YES1: variants seen among roughly 807,000 people sequenced by gnomAD.
The protein encoded by YES1 is tyrosine-protein kinase Yes.
Under a neutral mutation model 70.4 loss-of-function variants are expected in YES1, and 39 were observed. That is an observed-to-expected ratio of 0.55 (90% confidence interval 0.43 to 0.72). The LOEUF is 0.72. Ranked by LOEUF, YES1 falls within the 30% of genes least tolerant of loss-of-function variation. The probability of loss-of-function intolerance (pLI) is 0.00; values close to 1 mark genes in which losing one functional copy is unlikely to be tolerated. For synonymous variants in YES1, 198 were observed against 218.6 expected (o/e 0.91, Z 0.83); for missense variants, 495 against 644.8 (o/e 0.77, Z 2.52).
intron 1 of YES1, among the ~76,000 whole-genome samples, chr18:784,808 G>C (rs995594458): frequency 2.1e-4 from 32 of 152,142 alleles, no homozygotes; most frequent in African/African-American, 7.5e-4. Context: ...GATAAGCCAG[G>C]ATAAACTCTC....
rs1053936259 is a variant in YES1 at position 723,796 on chromosome 18, T to C, written c.*628A>G. On this transcript the variant is annotated 3_prime_UTR_variant, in exon 12 of 12. Transcript: ENST00000314574. Reference sequence around the variant, plus strand: ...TCCATGAACATGAATATTAATGTACTGCATTATACTTTCAAATTCCACTTC... The same window carrying C: ...TCCATGAACATGAATATTAATGTACCGCATTATACTTTCAAATTCCACTTC... 5 of 152,824 alleles carry C rather than the reference T, an allele frequency of 3.3e-5. No homozygotes were observed. Among genetic ancestry groups the C allele is most frequent in the African/African-American group, 1.2e-4 (5 of 41,476 alleles). The allele number at this position is 152,824 out of a possible 1,614,324, so 9.5% of individuals were successfully genotyped here. A position where few individuals can be genotyped will look rare whatever the true frequency, so the allele number is the denominator to read the frequency against.
At chr18:797,007 T>C (rs1419672797) in intron 1 of YES1, among the ~76,000 whole-genome samples, 2 of 152,118 alleles carry the variant, frequency 1.3e-5, no homozygotes, top group African/African-American at 4.8e-5. Context: ...GTAAGTAGAA[T>C]TTTTAACATC....
At chr18:738,060 A>G (rs1478510652) in intron 9 of YES1, 2 of 151,762 alleles carry the variant, frequency 1.3e-5, no homozygotes, top group Non-Finnish European at 2.9e-5. Flanking sequence ...TTTTTTTTAA[A>G]AAACAAAAAT....
chr18:783,658 C>T (rs1905793806), intron 1 of YES1, among the ~76,000 whole-genome samples: 1 of 151,364 alleles, frequency 6.6e-6, no homozygotes, highest in African/African-American at 2.4e-5. Context: ...CTCCTGTTGC[C>T]CAGGCTGGAG....
intron 3 of YES1, among the ~76,000 whole-genome samples, chr18:751,349 G>C (rs1241969175): frequency 6.6e-6 from 1 of 151,516 alleles, no homozygotes; most frequent in Non-Finnish European, 1.5e-5. Flanking sequence ...TTTTTTAATA[G>C]AATGAGACAA....
At chr18:757,821 C>CA (rs975596808) in intron 1 of YES1, among the ~76,000 whole-genome samples, 6 of 123,908 alleles carry the variant, frequency 4.8e-5, no homozygotes, top group African/African-American at 1.5e-4. Context: ...GACTCTGTCT[C>CA]AAAAAAAATA....
rs369783723 is a variant in YES1, at chr18:801,856, T to C, written c.-9+10258A>G. ...AATTAAGTTTAGGAAAAAAAGAAAC[T>C]TGATTGGGAAAACATGCTCTGTTAA... On this transcript the variant is annotated intron_variant, in intron 1 of 11. Transcript: ENST00000314574. 4.6e-5 allele frequency among the ~76,000 whole-genome samples: 7 copies of C among 152,202 alleles called. No homozygotes were observed. In the East Asian group the frequency reaches 7.7e-4, roughly 17 times the overall value.
intron 1 of YES1, among the ~76,000 whole-genome samples, chr18:803,277 T>C (rs1354751849): frequency 6.6e-6 from 1 of 152,198 alleles, no homozygotes; most frequent in Non-Finnish European, 1.5e-5. Context: ...AATTTTTCTG[T>C]GTATTTTGGA....
chr18:723,544 C>A lies in YES1; in HGVS notation c.*880G>T, dbSNP rs971407634. ...GGACATATAAGCAATACTCACAGTA[C>A]GAAGTCTAGTTTTTAAAAAGGGCTT... On this transcript the variant is annotated 3_prime_UTR_variant, in exon 12 of 12. Transcript: ENST00000314574. 1 of 152,592 alleles carries A rather than the reference C, an allele frequency of 6.6e-6. No homozygotes were observed. The highest frequency in any genetic ancestry group is 6.5e-5 in the Admixed American group (1 of 15,274). The allele number at this position is 152,592 out of a possible 1,614,324, so 9.5% of individuals were successfully genotyped here.
At position 739,720 on chromosome 18, in the gene YES1, T is replaced by C; in HGVS notation, c.1137+15A>G. 1 of 1,591,276 alleles carries C rather than the reference T, an allele frequency of 6.3e-7. No individual in the cohort carries two copies. Among genetic ancestry groups the C allele is most frequent in the Non-Finnish European group, 8.6e-7 (1 of 1,162,058 alleles). On this transcript the variant is annotated intron_variant, in intron 9 of 11. Transcript: ENST00000314574. ...CACTTTTAATTCAAATGGATACATG[T>C]ATATATACAGATACCTGAGCAGCCA...
rs1301097976 is a variant in YES1 at position 722,629 on chromosome 18, C to T, written c.*1795G>A. On this transcript the variant is annotated 3_prime_UTR_variant, in exon 12 of 12. Coordinates refer to ENST00000314574, the MANE Select transcript of YES1 (RefSeq NM_005433.4). ...TATTCAAATCTGTATTTTGAAATTA[C>T]TGAGTTACTCTTAAAAATTAGTCTT... The T allele has an allele frequency of 6.6e-6, 1 of 152,198 alleles. No homozygotes were observed. Among genetic ancestry groups the T allele is most frequent in the Non-Finnish European group, 1.5e-5 (1 of 68,032 alleles). The allele number at this position is 152,198 out of a possible 1,614,324, so 9.4% of individuals were successfully genotyped here.
Position 745,747 on chromosome 18 carries a change from G to A in YES1, c.685C>T (p.Gln229Ter). ...NGGYYITTRA[Q>*]FDTLQKLVKH... ...ACCAATTTCTGCAGAGTATCAAATT[G>A]TGCTCTGGTTGTGATATAGTATCCA... Residue 229 changes from glutamine (Q) to a stop codon, truncating the protein, a stop_gained, in exon 6 of 12, where the codon CAA (glutamine) becomes TAA (stop). Transcript: ENST00000314574. LOFTEE classifies it high-confidence loss of function. 1 of 1,612,682 alleles carries A rather than the reference G, an allele frequency of 6.2e-7. No homozygotes were observed. Among genetic ancestry groups the A allele is most frequent in the Non-Finnish European group, 8.5e-7 (1 of 1,179,618 alleles).
At chr18:772,129 A>G (rs1905187161) in intron 1 of YES1, among the ~76,000 whole-genome samples, 1 of 151,834 alleles carries the variant, frequency 6.6e-6, no homozygotes, top group South Asian at 2.1e-4. Context: ...CCTGGGTTCA[A>G]GTGATGCTCC....
chr18:727,438 T>C (rs1451911801), intron 11 of YES1, among the ~76,000 whole-genome samples: 1 of 152,238 alleles, frequency 6.6e-6, no homozygotes, highest in African/African-American at 2.4e-5. Context: ...ATGTTTAGTG[T>C]ACCTAAATGT....
intron 11 of YES1, among the ~76,000 whole-genome samples, chr18:731,952 G>A (rs2145675683): frequency 7.9e-6 from 1 of 126,182 alleles, no homozygotes; most frequent in East Asian, 2.3e-4. Context: ...GGGCGACAGA[G>A]CGAGACTCCA....
At chr18:788,584 A>AT (rs1401395042) in intron 1 of YES1, among the ~76,000 whole-genome samples, 1 of 152,326 alleles carries the variant, frequency 6.6e-6, no homozygotes, top group East Asian at 1.9e-4. Flanking sequence ...ATGCAACAAC[A>AT]TTAAGAATTT....
chr18:733,349 G>A (rs1161964018), intron 10 of YES1, among the ~76,000 whole-genome samples: 1 of 152,156 alleles, frequency 6.6e-6, no homozygotes, highest in East Asian at 1.9e-4. Flanking sequence ...GAGTTATAAT[G>A]TTTATGGGTT....
intron 1 of YES1, among the ~76,000 whole-genome samples, chr18:808,427 C>T (rs528837109): frequency 5.8e-4 from 89 of 152,304 alleles, no homozygotes; most frequent in Non-Finnish European, 1.0e-3. Flanking sequence ...ACATACCCTA[C>T]CATAGCCATA....
intron 8 of YES1, among the ~76,000 whole-genome samples, chr18:741,070 GTA>G (rs2080211943): frequency 6.6e-6 from 1 of 151,912 alleles, no homozygotes; most frequent in African/African-American, 2.4e-5. Context: ...GCTGTTTTTT[GTA>G]TTTTTAGCAG....
Sources: gnomAD v4.1 joint callset for allele counts (sites outside exome capture counted in the v4.1 genomes callset) on GRCh38, gnomAD v4.1.1 for gene constraint, MANE v1.5 for transcripts, NCBI Gene and HGNC (gene_info 2026-07-23, HGNC 2026-07-21) for gene names.